Variants in PTPRS observed in about 807,000 individuals in gnomAD.
PTPRS encodes receptor-type tyrosine-protein phosphatase S.
A neutral mutation model predicts 215.3 loss-of-function variants in PTPRS; 63 were observed. The ratio of observed to expected loss-of-function variants is 0.29; its 90% CI spans 0.24 to 0.36. The LOEUF is 0.36. Among genes scored for constraint, PTPRS ranks in the 10% least tolerant of loss-of-function variants. PTPRS has a pLI of 1.00. For missense variants in PTPRS, 2,258 were observed against 2,825.8 expected, an observed-to-expected ratio of 0.80 and a Z score of 4.56; for synonymous variants, 1,404 against 1,191.4, an observed-to-expected ratio of 1.18 and a Z score of -3.68.
In PTPRS at chr19:5,212,198, G is replaced by A. The variant is rs142364974; in HGVS notation, c.4822C>T (p.Arg1608Trp). 6.0e-5 allele frequency: 97 copies of A among 1,613,538 alleles called. 1 individual carries two copies. The highest frequency in any genetic ancestry group is 3.3e-5 in the Admixed American group (2 of 60,008). The change falls in exon 32 of 38, where the codon CGG (arginine) becomes TGG (tryptophan). Residue 1608 changes from arginine (R) to tryptophan (W), a missense_variant. Coordinates refer to ENST00000262963, the MANE Select transcript of PTPRS (RefSeq NM_002850.4). ...CFIVIDAMLE[R>W]IKPEKTVDVY... is the part of the protein sequence containing the mutation. ...TCGACTGTCTTCTCTGGCTTGATCC[G>A]CTCAAGCATGGCGTCGATGACGATA...
intron 1 of PTPRS, among the ~76,000 whole-genome samples, chr19:5,291,356 G>C (rs1187265211): frequency 1.3e-5 from 2 of 152,148 alleles, no homozygotes; most frequent in Non-Finnish European, 2.9e-5. Flanking sequence ...GGCTGGGCTG[G>C]GTTAGGATTT....
intron 1 of PTPRS, among the ~76,000 whole-genome samples, chr19:5,328,390 G>A (rs973792336): frequency 8.6e-5 from 13 of 151,872 alleles, no homozygotes; most frequent in Non-Finnish European, 1.5e-4. Context: ...GATTACAGGC[G>A]TGCACCACCA....
Position 5,231,524 on chromosome 19 carries a change from G to A in PTPRS, c.1941C>T (p.His647=), listed in dbSNP as rs1249893317. 1.9e-6 allele frequency: 3 copies of A among 1,611,842 alleles called. No individual in the cohort carries two copies. The highest frequency in any genetic ancestry group is 2.5e-6 in the Non-Finnish European group (3 of 1,179,774). Residue 647 remains histidine (H), a synonymous_variant, in exon 14 of 38, where the codon CAC becomes CAT. Transcript: ENST00000262963. ...CGCTGTAGCCCACCAGGGCCCCGTT[G>A]TGCGTTTCCGGCGGCGGCGGGCGCC... ...VSWRPPPPET[H]NGALVGYSVR...
chr19:5,236,717 G>A (rs890014614), intron 13 of PTPRS, among the ~76,000 whole-genome samples: 5 of 152,042 alleles, frequency 3.3e-5, no homozygotes, highest in Admixed American at 2.0e-4. Flanking sequence ...GAGACCCTCC[G>A]GCCTCACTTA....
intron 11 of PTPRS, among the ~76,000 whole-genome samples, chr19:5,242,301 G>A (rs1156677353): frequency 6.6e-6 from 1 of 152,236 alleles, no homozygotes; most frequent in Non-Finnish European, 1.5e-5. Context: ...GATCTACCCG[G>A]GTGTTTGATC....
At chr19:5,241,958 C>T (rs1445220203) in intron 11 of PTPRS, among the ~76,000 whole-genome samples, 1 of 152,224 alleles carries the variant, frequency 6.6e-6, no homozygotes, top group African/African-American at 2.4e-5. Context: ...GCCTCAGCCT[C>T]TTGAGTAGCT....
rs186163756 is a variant in PTPRS, at chr19:5,229,443, G to A, written c.2349+48C>T. The A allele has an allele frequency of 2.0e-3, 2,707 of 1,373,694 alleles. 71 individuals carry two copies. The Admixed American group carries it at 0.069, about 35-fold the overall frequency. The allele number at this position is 1,373,694 out of a possible 1,614,324, so 85.1% of individuals were successfully genotyped here. On this transcript the variant is annotated intron_variant, in intron 15 of 37. Coordinates refer to ENST00000262963, the MANE Select transcript of PTPRS (RefSeq NM_002850.4). ...AGAGGTGGGGGGAGCGCAAGGGCCCGTCCCCGCCCGGAGCCCGTCCCCGGC... is the reference window on the plus strand; with the variant it reads ...AGAGGTGGGGGGAGCGCAAGGGCCCATCCCCGCCCGGAGCCCGTCCCCGGC...
chr19:5,216,830 G>T, intron 25 of PTPRS, 63 bp from the exon 26 acceptor site: 1 of 1,099,876 alleles, frequency 9.1e-7, no homozygotes, highest in Non-Finnish European at 1.4e-6. Flanking sequence ...TCCCACCTCT[G>T]CCTCCCCCAC....
At chr19:5,218,649 GT>G in intron 24 of PTPRS, 117 bp from the exon 25 acceptor site, 2 of 1,515,514 alleles carry the variant, frequency 1.3e-6, no homozygotes, top group Non-Finnish European at 1.8e-6. Flanking sequence ...TATGACTAGG[GT>G]TTCCAGGACC....
chr19:5,239,489 A>T (rs2043821966), intron 12 of PTPRS, among the ~76,000 whole-genome samples: 1 of 151,876 alleles, frequency 6.6e-6, no homozygotes, highest in Non-Finnish European at 1.5e-5. Context: ...AGATACAGAG[A>T]CAGACAGAAA....
rs1370937969 is a variant in PTPRS, at chr19:5,284,375, TAAAATAAATAAA to T, written c.91+1663_91+1674del. ...ACTCTGTCACAAAAAATTAATTAAT[TAAAATAAATAAA>T]TAAATAAATAAATAAATAAATAAAT... is the stretch of plus-strand genomic sequence containing the variant. On this transcript the variant is annotated intron_variant, in intron 2 of 37. Coordinates refer to ENST00000262963, the MANE Select transcript of PTPRS (RefSeq NM_002850.4). 3.3e-3 allele frequency among the ~76,000 whole-genome samples: 436 copies of T among 130,430 alleles called. 5 individuals are homozygous for T. Among genetic ancestry groups the T allele is most frequent in the African/African-American group, 0.013 (405 of 31,266 alleles). The allele number at this position is 130,430 out of a possible 152,430, so 85.6% of individuals were successfully genotyped here.
At position 5,219,099 on chromosome 19, in the gene PTPRS, G is replaced by A. The variant is rs549893547; in HGVS notation, c.3923+211C>T. On this transcript the variant is annotated intron_variant, in intron 23 of 37. Coordinates refer to ENST00000262963, the MANE Select transcript of PTPRS (RefSeq NM_002850.4). ...GCTGAGTTGAAGATAGGGGTTAAGA[G>A]GAGAAGCCAAGCCACTGGCCTGCTT... The A allele has an allele frequency of 1.1e-5, 8 of 698,836 alleles. No individual in the cohort carries two copies. The East Asian group carries it at 1.4e-4, about 12-fold the overall frequency. 43.3% of individuals were successfully genotyped at this position (698,836 alleles called of 1,614,324 possible).
At chr19:5,307,677 TTTAAAC>T (rs1435213918) in intron 1 of PTPRS, among the ~76,000 whole-genome samples, 1 of 152,200 alleles carries the variant, frequency 6.6e-6, no homozygotes, top group Admixed American at 6.6e-5. Flanking sequence ...GCTGTTTAAA[TTTAAAC>T]GGAATAAAAT....
At chr19:5,249,067 T>C (rs2146061055) in intron 9 of PTPRS, among the ~76,000 whole-genome samples, 1 of 152,302 alleles carries the variant, frequency 6.6e-6, no homozygotes, top group Non-Finnish European at 1.5e-5. Context: ...TCCCAGCACT[T>C]TGGGAGGCTG....
Position 5,277,929 on chromosome 19 carries a change from A to G in PTPRS, c.92-3585T>C. 3.4e-6 allele frequency: 5 copies of G among 1,490,300 alleles called. No homozygotes were observed. In the South Asian group the frequency reaches 5.7e-5, roughly 17 times the overall value. 92.3% of individuals were successfully genotyped at this position (1,490,300 alleles called of 1,614,324 possible). A position where few individuals can be genotyped will look rare whatever the true frequency, so the allele number is the denominator to read the frequency against. ...ACAGTGGTTACGGGAGCAACAAAAA[A>G]CAAAGCACATGCTGCCCAGTGGCTT... On this transcript the variant is annotated intron_variant, in intron 2 of 37. Coordinates refer to ENST00000262963, the MANE Select transcript of PTPRS (RefSeq NM_002850.4).
intron 5 of PTPRS, among the ~76,000 whole-genome samples, chr19:5,263,454 T>A (rs1453401852): frequency 6.8e-6 from 1 of 148,022 alleles, no homozygotes; most frequent in East Asian, 2.0e-4. Flanking sequence ...GGGCAGTGAG[T>A]GAGGGGCGCT....
At chr19:5,284,020 G>C (rs191761076) in intron 2 of PTPRS, among the ~76,000 whole-genome samples, 7 of 151,986 alleles carry the variant, frequency 4.6e-5, no homozygotes, top group Admixed American at 3.3e-4. Flanking sequence ...TTTGAGACCA[G>C]TCCGGGCAAC....
At chr19:5,291,739 C>CG (rs2048835914) in intron 1 of PTPRS, among the ~76,000 whole-genome samples, 1 of 137,944 alleles carries the variant, frequency 7.2e-6, no homozygotes, top group African/African-American at 2.6e-5. Flanking sequence ...CACGAGATGC[C>CG]TCCACTCCAA....
intron 9 of PTPRS, among the ~76,000 whole-genome samples, chr19:5,247,822 G>A (rs184336624): frequency 3.6e-3 from 546 of 152,080 alleles, no homozygotes; most frequent in Non-Finnish European, 6.2e-3. Flanking sequence ...ATCCGGGCGG[G>A]AGGCAAAGAG....
Sources: allele counts gnomAD v4.1 joint callset (sites outside exome capture counted in the v4.1 genomes callset), GRCh38; gene constraint gnomAD v4.1.1; transcripts MANE v1.5; gene names NCBI Gene and HGNC (gene_info 2026-07-23, HGNC 2026-07-21).